MATCAP2: variants seen among roughly 807,000 people sequenced by gnomAD.
MATCAP2 encodes microtubule associated tyrosine carboxypeptidase 2.
At chr7:36,366,232 C>T in the MATCAP2 span, among the ~76,000 whole-genome samples, 2 of 152,100 alleles carry the variant, frequency 1.3e-5, no homozygotes, top group African/African-American at 4.8e-5. Flanking sequence ...GGGAAAATGG[C>T]CTAGAAAATT....
chr7:36,328,243 G>GGC, the MATCAP2 span, among the ~76,000 whole-genome samples: 5 of 128,410 alleles, frequency 3.9e-5, 1 homozygote, highest in East Asian at 2.3e-4. Flanking sequence ...TTTTTGTAGG[G>GGC]GGGGGGGGTC....
At chr7:36,358,546 T>C in the MATCAP2 span, among the ~76,000 whole-genome samples, 2 of 152,224 alleles carry the variant, frequency 1.3e-5, no homozygotes, top group African/African-American at 4.8e-5. Context: ...AAGGTATTAA[T>C]ATATCAAATG....
At chr7:36,371,287 A>AT in the MATCAP2 span, among the ~76,000 whole-genome samples, 1 of 151,628 alleles carries the variant, frequency 6.6e-6, no homozygotes, top group African/African-American at 2.4e-5. Context: ...AATTTTTTGT[A>AT]TTTTTTTGTA....
chr7:36,348,763 A>G, the MATCAP2 span, among the ~76,000 whole-genome samples: 2 of 152,324 alleles, frequency 1.3e-5, no homozygotes, highest in South Asian at 4.1e-4. Context: ...AAAAAGGGAA[A>G]TAGAAGTAGG....
chr7:36,371,987 T>C, the MATCAP2 span, among the ~76,000 whole-genome samples: 2 of 152,140 alleles, frequency 1.3e-5, no homozygotes, highest in Admixed American at 1.3e-4. Flanking sequence ...AGTGCTGGGA[T>C]TAAAGGTGTC....
the MATCAP2 span, among the ~76,000 whole-genome samples, chr7:36,350,532 CTTTTTTTTTTTT>C: frequency 1.3e-4 from 15 of 117,686 alleles, no homozygotes; most frequent in African/African-American, 3.9e-4. Context: ...GACTGTGTTC[CTTTTTTTTTTTT>C]TTTTTTTTGA....
the MATCAP2 span, among the ~76,000 whole-genome samples, chr7:36,373,234 A>G: frequency 6.6e-6 from 1 of 152,130 alleles, no homozygotes; most frequent in Non-Finnish European, 1.5e-5. Flanking sequence ...ATACTGGGAG[A>G]AAAAAACAAC....
At chr7:36,381,865 T>G in the MATCAP2 span, among the ~76,000 whole-genome samples, 1 of 151,958 alleles carries the variant, frequency 6.6e-6, no homozygotes, top group Non-Finnish European at 1.5e-5. Flanking sequence ...GAAGGATTAA[T>G]GAAAGAATAA....
chr7:36,373,632 A>G, the MATCAP2 span, among the ~76,000 whole-genome samples: 1 of 151,874 alleles, frequency 6.6e-6, no homozygotes, highest in African/African-American at 2.4e-5. Context: ...TTTTGTAGAG[A>G]TGGGGGTCTC....
the MATCAP2 span, chr7:36,390,153 T>C: frequency 2.1e-5 from 33 of 1,577,164 alleles, no homozygotes; most frequent in South Asian, 2.2e-4. Context: ...GGCGCGTGTG[T>C]GCGCGCGTGC....
chr7:36,331,222 T>TATC, the MATCAP2 span: 1 of 571,556 alleles, frequency 1.7e-6, no homozygotes, highest in Non-Finnish European at 3.2e-6. Context: ...TTTATTTAAC[T>TATC]ATCTTCATTA....
the MATCAP2 span, chr7:36,389,925 A>T: frequency 6.2e-7 from 1 of 1,604,208 alleles, no homozygotes; most frequent in Non-Finnish European, 8.5e-7. Flanking sequence ...CCCGCCTCAG[A>T]CTCCTGGTTT....
the MATCAP2 span, among the ~76,000 whole-genome samples, chr7:36,364,067 A>C: frequency 6.7e-6 from 1 of 148,810 alleles, no homozygotes; most frequent in East Asian, 2.0e-4. Flanking sequence ...TAAATCCCGG[A>C]AGCTAAAGTA....
chr7:36,355,086 G>C, the MATCAP2 span: 1 of 152,094 alleles, frequency 6.6e-6, no homozygotes, highest in Non-Finnish European at 1.5e-5. Flanking sequence ...ATGCAAATAG[G>C]ATTTTTATCA....
chr7:36,370,045 C>T, the MATCAP2 span, among the ~76,000 whole-genome samples: 1 of 152,088 alleles, frequency 6.6e-6, no homozygotes, highest in Admixed American at 6.6e-5. Flanking sequence ...AAAAATATAT[C>T]TCTGTGTATT....
the MATCAP2 span, among the ~76,000 whole-genome samples, chr7:36,365,260 A>G: frequency 6.6e-6 from 1 of 152,212 alleles, no homozygotes; most frequent in Non-Finnish European, 1.5e-5. Context: ...GACAGAATCT[A>G]TATTTTTCTT....
the MATCAP2 span, among the ~76,000 whole-genome samples, chr7:36,350,532 CTTTTTT>C: frequency 2.5e-5 from 3 of 117,680 alleles, no homozygotes; most frequent in Non-Finnish European, 5.5e-5. Context: ...GACTGTGTTC[CTTTTTT>C]TTTTTTTTTT....
chr7:36,373,845 C>A, the MATCAP2 span, among the ~76,000 whole-genome samples: 2 of 151,654 alleles, frequency 1.3e-5, no homozygotes, highest in Non-Finnish European at 2.9e-5. Context: ...AGTGCAGTGG[C>A]ACGATCTCAG....
chr7:36,345,193 A>G, the MATCAP2 span, among the ~76,000 whole-genome samples: 1 of 152,152 alleles, frequency 6.6e-6, no homozygotes, highest in Non-Finnish European at 1.5e-5. Context: ...GCAACCAAAT[A>G]CATTTTTGCC....
Sources: allele counts gnomAD v4.1 joint callset (sites outside exome capture counted in the v4.1 genomes callset), GRCh38; gene constraint gnomAD v4.1.1; transcripts MANE v1.5; gene names NCBI Gene and HGNC (gene_info 2026-07-23, HGNC 2026-07-21).